Variants in RIMS2 observed in about 807,000 individuals in gnomAD.
RIMS2 encodes the protein regulating synaptic membrane exocytosis protein 2.
In RIMS2, 59 loss-of-function variants were observed where a neutral mutation model predicts 174.4. The observed-to-expected ratio is 0.34, with a 90% CI of 0.27 to 0.42. RIMS2 has a LOEUF of 0.42. Ranked by LOEUF, RIMS2 falls within the 10% of genes least tolerant of loss-of-function variation. The pLI is 1.00. For synonymous variants in RIMS2, 606 were observed against 572.5 expected (o/e 1.06, Z -0.84); for missense variants, 1,620 against 1,666.3 (o/e 0.97, Z 0.48).
At chr8:104,081,358 T>C (rs1220428401) in intron 19 of RIMS2, among the ~76,000 whole-genome samples, 1 of 152,066 alleles carries the variant, frequency 6.6e-6, no homozygotes, top group Non-Finnish European at 1.5e-5. Context: ...AACATGTTTT[T>C]ATTCAAGTTA....
intron 3 of RIMS2, among the ~76,000 whole-genome samples, chr8:103,788,153 A>G (rs917583698): frequency 1.0e-4 from 15 of 149,268 alleles, no homozygotes; most frequent in African/African-American, 2.2e-4. Context: ...TGTATTGGTT[A>G]TTCTAGTTAT....
At chr8:103,923,018 A>G (rs1403387192) in intron 10 of RIMS2, among the ~76,000 whole-genome samples, 1 of 152,018 alleles carries the variant, frequency 6.6e-6, no homozygotes, top group Non-Finnish European at 1.5e-5. Flanking sequence ...TTTCATAAAC[A>G]GAGTGAACTT....
At chr8:104,031,364 A>C (rs1157280662) in intron 19 of RIMS2, among the ~76,000 whole-genome samples, 1 of 152,086 alleles carries the variant, frequency 6.6e-6, no homozygotes, top group African/African-American at 2.4e-5. Flanking sequence ...ATTTAACATA[A>C]ACTAAGAAAA....
At chr8:104,191,106 G>A (rs1043186649) in intron 19 of RIMS2, among the ~76,000 whole-genome samples, 2 of 151,900 alleles carry the variant, frequency 1.3e-5, no homozygotes, top group Non-Finnish European at 2.9e-5. Context: ...CTTTTAGCAG[G>A]ATCTAGTTTC....
intron 19 of RIMS2, chr8:104,223,887 A>G: frequency 1.7e-5 from 17 of 1,010,244 alleles, no homozygotes; most frequent in Non-Finnish European, 2.5e-5. Flanking sequence ...TCCACGTAGC[A>G]GTGTCCCAGC....
At chr8:103,973,903 C>G (rs546959283) in intron 15 of RIMS2, among the ~76,000 whole-genome samples, 2 of 152,248 alleles carry the variant, frequency 1.3e-5, no homozygotes, top group South Asian at 4.1e-4. Context: ...AGCTGTCCCT[C>G]TCTCTCTGGA....
At chr8:103,959,911 A>G (rs926443918) in intron 14 of RIMS2, among the ~76,000 whole-genome samples, 4 of 152,190 alleles carry the variant, frequency 2.6e-5, no homozygotes, top group Non-Finnish European at 4.4e-5. Context: ...GAAAAGATCT[A>G]AAATTGACAC....
intron 2 of RIMS2, among the ~76,000 whole-genome samples, chr8:103,727,162 T>C (rs1205009038): frequency 6.6e-6 from 1 of 152,120 alleles, no homozygotes; most frequent in Non-Finnish European, 1.5e-5. Flanking sequence ...CCTTTCTGAA[T>C]GATATTATTT....
chr8:104,008,300 C>G (rs186279399), intron 17 of RIMS2, among the ~76,000 whole-genome samples: 24 of 151,946 alleles, frequency 1.6e-4, no homozygotes, highest in Admixed American at 1.5e-3. Context: ...GTCATATTAT[C>G]TCTCAGTATT....
intron 1 of RIMS2, among the ~76,000 whole-genome samples, chr8:103,567,073 A>C (rs1563808176): frequency 6.6e-6 from 1 of 152,176 alleles, no homozygotes; most frequent in East Asian, 1.9e-4. Context: ...ATATAAACAG[A>C]ACCATACAGT....
chr8:104,055,969 A>T (rs1412121530), intron 19 of RIMS2, among the ~76,000 whole-genome samples: 5 of 152,094 alleles, frequency 3.3e-5, no homozygotes, highest in African/African-American at 1.2e-4. Context: ...CTCTGCACAC[A>T]TACGAACATT....
rs181349470 is a variant in RIMS2, at chr8:104,239,691, T to C, written c.3335-5225T>C. 2.6e-3 allele frequency among the ~76,000 whole-genome samples: 397 copies of C among 152,292 alleles called. 2 individuals are homozygous for C. The highest frequency in any genetic ancestry group is 8.1e-3 in the African/African-American group (335 of 41,560). On this transcript the variant is annotated intron_variant, in intron 19 of 23. Coordinates refer to ENST00000504942, the Ensembl canonical transcript of RIMS2. ...TAAGTCTCCTCATGTAAAAAACTTATCTACAAAGGACTCAGAACTTACTGT... is the reference window on the plus strand; with the variant it reads ...TAAGTCTCCTCATGTAAAAAACTTACCTACAAAGGACTCAGAACTTACTGT...
At chr8:103,841,549 A>C (rs1244239916) in intron 3 of RIMS2, among the ~76,000 whole-genome samples, 1 of 152,072 alleles carries the variant, frequency 6.6e-6, no homozygotes, top group Non-Finnish European at 1.5e-5. Context: ...AGCTCCAGAA[A>C]TGTAGGGGAG....
intron 19 of RIMS2, among the ~76,000 whole-genome samples, chr8:104,226,979 C>T (rs2099191588): frequency 6.6e-6 from 1 of 152,140 alleles, no homozygotes; most frequent in South Asian, 2.1e-4. Context: ...ATTCATTGTG[C>T]ACTTTCTATG....
intron 19 of RIMS2, among the ~76,000 whole-genome samples, chr8:104,190,706 T>C (rs113241709): frequency 2.7e-4 from 41 of 152,194 alleles, no homozygotes; most frequent in African/African-American, 9.1e-4. Flanking sequence ...CCTATAGATA[T>C]GAGAGCATGC....
intron 1 of RIMS2, among the ~76,000 whole-genome samples, chr8:103,622,616 C>T (rs987032458): frequency 1.3e-5 from 2 of 152,166 alleles, no homozygotes; most frequent in Non-Finnish European, 2.9e-5. Flanking sequence ...CATACAGATG[C>T]ACATTCCGTT....
At chr8:103,890,769 T>G (rs570728614) in intron 4 of RIMS2, among the ~76,000 whole-genome samples, 2 of 152,048 alleles carry the variant, frequency 1.3e-5, no homozygotes, top group African/African-American at 4.8e-5. Flanking sequence ...AATTTAAATA[T>G]TTTGAACATT....
chr8:104,099,115 TATC>T (rs1477314747), intron 19 of RIMS2, among the ~76,000 whole-genome samples: 2 of 152,204 alleles, frequency 1.3e-5, no homozygotes, highest in Non-Finnish European at 2.9e-5. Flanking sequence ...TTGCCTTTAT[TATC>T]ATAAATTTGA....
chr8:103,991,714 T>C (rs1010404014), intron 17 of RIMS2, among the ~76,000 whole-genome samples: 2 of 152,166 alleles, frequency 1.3e-5, no homozygotes, highest in African/African-American at 4.8e-5. Context: ...TGGACTAGAA[T>C]AGTATTTTAT....
Sources: allele counts gnomAD v4.1 joint callset (sites outside exome capture counted in the v4.1 genomes callset), GRCh38; gene constraint gnomAD v4.1.1; transcripts MANE v1.5; gene names NCBI Gene and HGNC (gene_info 2026-07-23, HGNC 2026-07-21).